The following GLYR1 variants were observed in gnomAD, a reference collection of about 807,000 sequenced individuals.
GLYR1 encodes cytokine-like nuclear factor N-PAC.
In GLYR1, 21 loss-of-function variants were observed where a neutral mutation model predicts 72.7. The ratio of observed to expected loss-of-function variants is 0.29; its 90% confidence interval spans 0.20 to 0.42. The LOEUF (loss-of-function observed/expected upper bound fraction) is 0.42, where lower values mean the gene tolerates loss of function less well. GLYR1 is among the 10% of genes least tolerant of loss of function. The pLI is 1.00. For missense variants in GLYR1, 594 were observed against 712.1 expected, an observed-to-expected ratio of 0.83 and a Z score of 1.89; for synonymous variants, 392 against 270.2, an observed-to-expected ratio of 1.45 and a Z score of -4.42.
intron 10 of GLYR1, among the ~76,000 whole-genome samples, chr16:4,816,756 C>T (rs1038143208): frequency 1.3e-5 from 2 of 152,040 alleles, no homozygotes; most frequent in East Asian, 2.0e-4. Flanking sequence ...GAGGCCAAGG[C>T]GGGTGGATCA....
In GLYR1 at chr16:4,815,036, G is replaced by A. The variant is rs116469880; in HGVS notation, c.907-389C>T. Among the ~76,000 whole-genome samples, 536 of 152,228 alleles carry A rather than the reference G, an allele frequency of 3.5e-3. 4 individuals carry two copies. Among genetic ancestry groups the A allele is most frequent in the African/African-American group, 0.012 (505 of 41,544 alleles). ...GAAGCCTTCCACCTGGTGGCCATTC[G>A]TTTTTGGGTTGTTTCTCAACACTGT... On this transcript the variant is annotated intron_variant, in intron 10 of 15. Coordinates refer to ENST00000321919, the MANE Select transcript of GLYR1 (RefSeq NM_032569.4).
chr16:4,821,399 T>C lies in GLYR1; in HGVS notation c.787A>G (p.Ile263Val). The change falls in exon 9 of 16, where the codon ATC (isoleucine) becomes GTC (valine). Residue 263 changes from isoleucine to valine, a missense_variant. Physicochemically the swap from Ile to Val is conservative, Grantham distance 29. This residue lies in a region of GLYR1 where 266 missense variants were observed against 358.4 expected (regional missense o/e 0.74). Transcript: ENST00000321919. Reference sequence around the variant, plus strand: ...TCCTACTTTTTGTCTGTGGGTGTGATGCTGCCATTCACGGCTGTGCTGTCA... The same window carrying C: ...TCCTACTTTTTGTCTGTGGGTGTGACGCTGCCATTCACGGCTGTGCTGTCA... ...AADSTAVNGS[I>V]TPTDKKIGFL... 2 of 1,613,338 alleles carry C rather than the reference T, an allele frequency of 1.2e-6. No individual in the cohort carries two copies. Among genetic ancestry groups the C allele is most frequent in the Non-Finnish European group, 1.7e-6 (2 of 1,180,046 alleles).
At chr16:4,813,886 G>T in intron 11 of GLYR1, 48 bp from the exon 12 acceptor site, 2 of 1,455,494 alleles carry the variant, frequency 1.4e-6, no homozygotes, top group Non-Finnish European at 1.9e-6. Context: ...CCGGGCAGAT[G>T]CTCAGGAGCC....
intron 10 of GLYR1, among the ~76,000 whole-genome samples, chr16:4,816,890 G>A (rs1025043410): frequency 2.0e-5 from 3 of 151,472 alleles, no homozygotes; most frequent in African/African-American, 7.3e-5. Context: ...GGGAGTCTGA[G>A]GCAGGAGAAT....
At position 4,817,658 on chromosome 16, in the gene GLYR1, G is replaced by A. The variant is rs1567691599; in HGVS notation, c.846C>T (p.Ile282=). 1.9e-6 allele frequency: 3 copies of A among 1,613,308 alleles called. No homozygotes were observed. The highest frequency in any genetic ancestry group is 2.7e-5 in the African/African-American group (2 of 74,884). Residue 282 remains isoleucine, a synonymous_variant, in exon 10 of 16, where the codon ATC becomes ATT. Coordinates refer to ENST00000321919, the MANE Select transcript of GLYR1 (RefSeq NM_032569.4). ...FLGLGLMGSG[I]VSNLLKMGHT... ...GACCCATTTTTAGCAAGTTGGAGAC[G>A]ATTCCACTTCCCATGAGACCAAGGC...
chr16:4,845,100 A>G lies in GLYR1; in HGVS notation c.129T>C (p.Phe43=). ...LKKPRGKKCF[F]VKFFGTEDHA... ...GATCTTCTGTTCCAAAAAATTTCAC[A>G]AAGAAGCATTTCTTTCCGCGAGGTT... Residue 43 remains phenylalanine (F), a synonymous_variant, in exon 3 of 16, where the codon TTT becomes TTC. Transcript: ENST00000321919. 1.2e-6 allele frequency: 2 copies of G among 1,614,030 alleles called. No individual in the cohort carries two copies. The highest frequency in any genetic ancestry group is 1.7e-6 in the Non-Finnish European group (2 of 1,179,882).
chr16:4,812,347 C>A (rs1567664148), intron 12 of GLYR1, 99 bp from the exon 13 acceptor site: 1 of 1,320,152 alleles, frequency 7.6e-7, no homozygotes, highest in Non-Finnish European at 1.0e-6. Context: ...CTGCTCATCA[C>A]CTTCCAGAGC....
At chr16:4,827,059 C>A (rs982678917) in intron 5 of GLYR1, among the ~76,000 whole-genome samples, 2 of 152,206 alleles carry the variant, frequency 1.3e-5, no homozygotes, top group Non-Finnish European at 2.9e-5. Flanking sequence ...GGTAGGTGGG[C>A]GCTGCTGGGG....
intron 3 of GLYR1, among the ~76,000 whole-genome samples, chr16:4,842,694 G>A (rs1312074594): frequency 6.8e-6 from 1 of 147,516 alleles, no homozygotes; most frequent in Admixed American, 6.8e-5. Context: ...CATTCATTCT[G>A]CACATAATCT....
intron 15 of GLYR1, among the ~76,000 whole-genome samples, chr16:4,809,176 G>A (rs1198959653): frequency 7.0e-6 from 1 of 143,682 alleles, no homozygotes; most frequent in Non-Finnish European, 1.5e-5. Context: ...TGAGAAGGCT[G>A]TAGCAGCTTT....
rs572852298 is a variant in GLYR1 at position 4,841,197 on chromosome 16, ATCACCACTGGCT to A, written c.155+3865_155+3876del. ...GGCTATTTTTGTCTTGAGCAAGCAC[ATCACCACTGGCT>A]TCACCTGTTTGCCTGGTTAAGCTCT... is the stretch of plus-strand genomic sequence containing the variant. On this transcript the variant is annotated intron_variant, in intron 3 of 15. Transcript: ENST00000321919. 2.4e-4 allele frequency among the ~76,000 whole-genome samples: 37 copies of A among 152,286 alleles called. 3 individuals carry two copies. In the South Asian group the frequency reaches 5.4e-3, roughly 22 times the overall value.
At chr16:4,846,830 A>C (rs1329055755) in intron 1 of GLYR1, 2 of 285,618 alleles carry the variant, frequency 7.0e-6, no homozygotes, top group Non-Finnish European at 1.3e-5. Flanking sequence ...CTGGGCTTTG[A>C]CCGAATGGCA....
intron 9 of GLYR1, among the ~76,000 whole-genome samples, chr16:4,819,472 C>T (rs1363009591): frequency 1.3e-5 from 2 of 152,086 alleles, no homozygotes; most frequent in Non-Finnish European, 2.9e-5. Flanking sequence ...CCATGTCTGG[C>T]TAAGTTTTAA....
intron 3 of GLYR1, among the ~76,000 whole-genome samples, chr16:4,834,371 G>A (rs2084995024): frequency 6.8e-6 from 1 of 147,786 alleles, no homozygotes; most frequent in African/African-American, 2.6e-5. Flanking sequence ...GGCGATGTTG[G>A]CTCACGGCAA....
At chr16:4,830,554 C>T (rs1171440268) in intron 5 of GLYR1, among the ~76,000 whole-genome samples, 1 of 152,212 alleles carries the variant, frequency 6.6e-6, no homozygotes, top group Non-Finnish European at 1.5e-5. Context: ...CTTCCATTAC[C>T]TGCCTGGGCT....
At chr16:4,841,565 A>C (rs898730531) in intron 3 of GLYR1, among the ~76,000 whole-genome samples, 1 of 150,870 alleles carries the variant, frequency 6.6e-6, no homozygotes, top group Admixed American at 6.7e-5. Context: ...GGATTACCTG[A>C]GCCTGGGAAG....
chr16:4,818,764 G>C (rs978635441), intron 9 of GLYR1, among the ~76,000 whole-genome samples: 4 of 152,070 alleles, frequency 2.6e-5, no homozygotes, highest in Non-Finnish European at 5.9e-5. Flanking sequence ...AATGGGCCTT[G>C]CCTCTCCTCT....
At chr16:4,809,403 G>A (rs1250706819) in intron 15 of GLYR1, among the ~76,000 whole-genome samples, 1 of 150,862 alleles carries the variant, frequency 6.6e-6, no homozygotes, top group Non-Finnish European at 1.5e-5. Flanking sequence ...TCTTGGTCAG[G>A]AGAATGAGAC....
intron 7 of GLYR1, 61 bp downstream of exon 7, chr16:4,822,814 G>A (rs2084124267): frequency 1.4e-6 from 2 of 1,395,724 alleles, no homozygotes; most frequent in Admixed American, 1.7e-5. Context: ...CCAGGACCCA[G>A]TGGAGGAGCA....
Sources: allele counts gnomAD v4.1 joint callset (sites outside exome capture counted in the v4.1 genomes callset), GRCh38; gene constraint gnomAD v4.1.1; regional missense constraint gnomAD v4.1.1; transcripts MANE v1.5; gene names NCBI Gene and HGNC (gene_info 2026-07-23, HGNC 2026-07-21).